NAALADL2: variants seen among roughly 807,000 people sequenced by gnomAD.
The protein encoded by NAALADL2 is inactive N-acetylated-alpha-linked acidic dipeptidase-like protein 2.
In NAALADL2, 76 loss-of-function variants were observed where a neutral mutation model predicts 87.2. The observed-to-expected ratio is 0.87, with a 90% CI of 0.72 to 1.05. The LOEUF is 1.05. Ranked by LOEUF, NAALADL2 falls within the 50% of genes least tolerant of loss-of-function variation. The pLI is 0.00. For synonymous variants in NAALADL2, 354 were observed against 331.0 expected (o/e 1.07, Z -0.75); for missense variants, 1,089 against 945.8 (o/e 1.15, Z -1.99).
At chr3:175,264,088 T>G (rs1004327005) in intron 4 of NAALADL2, among the ~76,000 whole-genome samples, 1 of 151,868 alleles carries the variant, frequency 6.6e-6, no homozygotes, top group Non-Finnish European at 1.5e-5. Context: ...TCTGCTCAAC[T>G]TGTAACTCAT....
intron 11 of NAALADL2, among the ~76,000 whole-genome samples, chr3:175,682,712 T>C (rs972709346): frequency 4.6e-5 from 7 of 152,040 alleles, no homozygotes; most frequent in African/African-American, 1.7e-4. Context: ...GGTTTAATTC[T>C]TTTTTTCAAT....
chr3:175,460,317 A>G (rs1041287669), intron 6 of NAALADL2: 8 of 401,208 alleles, frequency 2.0e-5, no homozygotes, highest in African/African-American at 1.3e-4. Context: ...ATAATATAAA[A>G]CAATATGCAT....
intron 3 of NAALADL2, among the ~76,000 whole-genome samples, chr3:174,784,965 G>C (rs1188666311): frequency 6.6e-6 from 1 of 152,172 alleles, no homozygotes; most frequent in Non-Finnish European, 1.5e-5. Context: ...AAGTGAATAG[G>C]AGAGGACTAT....
intron 11 of NAALADL2, among the ~76,000 whole-genome samples, chr3:175,639,481 C>T (rs7636579): frequency 0.044 from 6,740 of 151,792 alleles, 251 homozygotes; most frequent in African/African-American, 0.093. Flanking sequence ...CCACCAAGCC[C>T]GGCTAATTTT....
chr3:175,124,600 CT>C (rs1187240528), intron 2 of NAALADL2: 1 of 151,952 alleles, frequency 6.6e-6, no homozygotes, highest in African/African-American at 2.4e-5. Context: ...GCAAGGGAGG[CT>C]TTTCAAACTT....
intron 1 of NAALADL2, among the ~76,000 whole-genome samples, chr3:175,090,132 G>A (rs1719805565): frequency 6.6e-6 from 1 of 152,018 alleles, no homozygotes; most frequent in Non-Finnish European, 1.5e-5. Context: ...CTAGGTGGAG[G>A]TGGAATTGGA....
intron 1 of NAALADL2, among the ~76,000 whole-genome samples, chr3:174,941,705 G>T (rs1738622602): frequency 6.6e-6 from 1 of 152,064 alleles, no homozygotes; most frequent in Admixed American, 6.6e-5. Flanking sequence ...ATATATTTAG[G>T]ATAGTTAGGT....
At chr3:174,629,792 A>G (rs1721933471) in intron 2 of NAALADL2, among the ~76,000 whole-genome samples, 2 of 152,214 alleles carry the variant, frequency 1.3e-5, no homozygotes, top group African/African-American at 4.8e-5. Context: ...CGTATGTTAC[A>G]GAGACTATGT....
intron 1 of NAALADL2, among the ~76,000 whole-genome samples, chr3:174,905,366 G>A (rs771463966): frequency 2.7e-5 from 4 of 149,932 alleles, no homozygotes; most frequent in Admixed American, 6.7e-5. Context: ...GGCTATCCCC[G>A]CCTCTAAAAT....
At chr3:175,202,239 T>C (rs1366104346) in intron 2 of NAALADL2, among the ~76,000 whole-genome samples, 1 of 152,134 alleles carries the variant, frequency 6.6e-6, no homozygotes, top group Admixed American at 6.6e-5. Flanking sequence ...CAGCTTCCTT[T>C]GTCCACTGAG....
chr3:174,674,984 G>T (rs1383732845), intron 2 of NAALADL2, among the ~76,000 whole-genome samples: 1 of 151,982 alleles, frequency 6.6e-6, no homozygotes, highest in Admixed American at 6.6e-5. Flanking sequence ...TAGGTTATAT[G>T]CATTATTGAT....
chr3:175,708,604 G>GA lies in NAALADL2; in HGVS notation c.1897-28691dup, dbSNP rs374500614. ...TGACTGGTAACATGAACTAGGATGA[G>GA]AAAAAAAAAAACAAGAAGAAAAATA... On this transcript the variant is annotated intron_variant, in intron 11 of 13. Transcript: ENST00000454872. Among the ~76,000 whole-genome samples, 116 of 145,176 alleles carry GA rather than the reference G, an allele frequency of 8.0e-4. 1 individual carries two copies. Among genetic ancestry groups the GA allele is most frequent in the East Asian group, 4.9e-3 (24 of 4,930 alleles).
At chr3:175,492,759 G>A (rs1196127107) in intron 9 of NAALADL2, among the ~76,000 whole-genome samples, 2 of 152,098 alleles carry the variant, frequency 1.3e-5, no homozygotes, top group East Asian at 3.9e-4. Context: ...ATATACAGCT[G>A]TGTAAATATT....
intron 1 of NAALADL2, among the ~76,000 whole-genome samples, chr3:174,882,032 C>T (rs1480993904): frequency 6.6e-6 from 1 of 152,094 alleles, no homozygotes. Flanking sequence ...GATTTGGTCC[C>T]TGTTTTGTAT....
chr3:175,383,691 T>C (rs563249341), intron 5 of NAALADL2, among the ~76,000 whole-genome samples: 1 of 151,986 alleles, frequency 6.6e-6, no homozygotes, highest in Non-Finnish European at 1.5e-5. Context: ...GGAAAAAAAA[T>C]GTTCTTCCTC....
At chr3:175,770,224 A>G (rs983804544) in intron 13 of NAALADL2, among the ~76,000 whole-genome samples, 32 of 152,180 alleles carry the variant, frequency 2.1e-4, no homozygotes, top group African/African-American at 7.5e-4. Context: ...TTAATTTGTA[A>G]CATTTCAGAC....
intron 9 of NAALADL2, among the ~76,000 whole-genome samples, chr3:175,482,275 G>A (rs970781952): frequency 8.6e-5 from 13 of 151,894 alleles, no homozygotes; most frequent in African/African-American, 2.7e-4. Context: ...TAAATCTGAA[G>A]TTTTCAAGAG....
At chr3:174,744,112 G>T (rs544501756) in intron 3 of NAALADL2, among the ~76,000 whole-genome samples, 4 of 151,890 alleles carry the variant, frequency 2.6e-5, no homozygotes, top group South Asian at 2.1e-4. Flanking sequence ...TGATGTTCAA[G>T]TCCTAATCCT....
At chr3:174,724,463 T>C (rs1194397927) in intron 2 of NAALADL2, among the ~76,000 whole-genome samples, 1 of 152,194 alleles carries the variant, frequency 6.6e-6, no homozygotes, top group Non-Finnish European at 1.5e-5. Flanking sequence ...CCCATGTTTA[T>C]ATTCATATGT....
Sources: gnomAD v4.1 joint callset for allele counts (sites outside exome capture counted in the v4.1 genomes callset) on GRCh38, gnomAD v4.1.1 for gene constraint, MANE v1.5 for transcripts, NCBI Gene and HGNC (gene_info 2026-07-23, HGNC 2026-07-21) for gene names.